CEP83: variants seen among roughly 807,000 people sequenced by gnomAD.
CEP83 encodes centrosomal protein of 83 kDa.
Under a neutral mutation model 101.9 loss-of-function variants are expected in CEP83, and 70 were observed. That is an observed-to-expected ratio of 0.69 (90% confidence interval 0.57 to 0.84). The LOEUF (loss-of-function observed/expected upper bound fraction) is 0.84, where lower values mean the gene tolerates loss of function less well. Among genes scored for constraint, CEP83 ranks in the 40% least tolerant of loss-of-function variants. The pLI is 0.00. For missense variants in CEP83, 715 were observed against 787.2 expected, an observed-to-expected ratio of 0.91 and a Z score of 1.10; for synonymous variants, 264 against 267.9, an observed-to-expected ratio of 0.99 and a Z score of 0.14.
At chr12:94,444,210 C>T (rs961545315) in intron 1 of CEP83, among the ~76,000 whole-genome samples, 1 of 151,822 alleles carries the variant, frequency 6.6e-6, no homozygotes, top group Non-Finnish European at 1.5e-5. Flanking sequence ...ATCAGCCTGG[C>T]CAACGTGGTG....
chr12:94,309,352 C>T (rs1294977283), intron 16 of CEP83, among the ~76,000 whole-genome samples: 2 of 152,138 alleles, frequency 1.3e-5, no homozygotes, highest in African/African-American at 4.8e-5. Flanking sequence ...GAAAAAGAAT[C>T]AATCTGATTC....
chr12:94,412,689 T>G (rs1321829138), intron 2 of CEP83, 98 bp from the exon 3 acceptor site: 4 of 379,944 alleles, frequency 1.1e-5, no homozygotes, highest in Non-Finnish European at 1.7e-5. Context: ...ATTCTTTTTT[T>G]TTTCTTTTTT....
chr12:94,266,890 A>G, the CEP83 span, among the ~76,000 whole-genome samples: 4 of 152,228 alleles, frequency 2.6e-5, no homozygotes, highest in African/African-American at 7.2e-5. Flanking sequence ...GTGCAAATAT[A>G]CCAGTGCCCG....
intron 7 of CEP83, among the ~76,000 whole-genome samples, chr12:94,376,582 CAA>C (rs747568150): frequency 2.0e-5 from 3 of 151,454 alleles, no homozygotes; most frequent in Non-Finnish European, 4.4e-5. Flanking sequence ...TGCAGGTTGT[CAA>C]AAAAGTTTCT....
intron 11 of CEP83, among the ~76,000 whole-genome samples, chr12:94,363,732 T>C (rs1317464327): frequency 1.3e-5 from 2 of 152,050 alleles, no homozygotes; most frequent in Non-Finnish European, 2.9e-5. Context: ...GCAAATCACC[T>C]GAGGTCATGA....
At chr12:94,296,122 CTACTCCCCATT>C in the CEP83 span, among the ~76,000 whole-genome samples, 4 of 152,172 alleles carry the variant, frequency 2.6e-5, no homozygotes, top group Non-Finnish European at 5.9e-5. Flanking sequence ...TCCTCTCCAT[CTACTCCCCATT>C]TTCCATTAGC....
chr12:94,323,865 G>A (rs1011986401), intron 14 of CEP83, among the ~76,000 whole-genome samples: 1 of 152,164 alleles, frequency 6.6e-6, no homozygotes, highest in African/African-American at 2.4e-5. Context: ...ATTCCCTTCT[G>A]TTCCCAGTTT....
chr12:94,375,215 G>A (rs983069576), intron 8 of CEP83, among the ~76,000 whole-genome samples: 1 of 152,142 alleles, frequency 6.6e-6, no homozygotes, highest in Non-Finnish European at 1.5e-5. Flanking sequence ...TATGAAGCAG[G>A]TAAGGAAGAC....
the CEP83 span, among the ~76,000 whole-genome samples, chr12:94,285,756 C>T: frequency 6.6e-6 from 1 of 152,110 alleles, no homozygotes; most frequent in South Asian, 2.1e-4. Context: ...GGTTCTAGAC[C>T]TGCAAGCCAG....
chr12:94,326,056 C>T (rs1287842580), intron 14 of CEP83, among the ~76,000 whole-genome samples: 1 of 152,002 alleles, frequency 6.6e-6, no homozygotes, highest in African/African-American at 2.4e-5. Context: ...CCAGAAAGAC[C>T]AAGTGATTAG....
chr12:94,453,934 T>TA (rs1340550924), intron 1 of CEP83, among the ~76,000 whole-genome samples: 1 of 151,914 alleles, frequency 6.6e-6, no homozygotes, highest in Non-Finnish European at 1.5e-5. Context: ...CCGTCTCTCT[T>TA]AAAAATCAAA....
chr12:94,367,268 T>C (rs1398975230), intron 11 of CEP83, among the ~76,000 whole-genome samples: 1 of 152,108 alleles, frequency 6.6e-6, no homozygotes, highest in Non-Finnish European at 1.5e-5. Context: ...AGTAATTTTA[T>C]AGGGGAAAAA....
chr12:94,454,379 G>A (rs1371159188), intron 1 of CEP83, among the ~76,000 whole-genome samples: 1 of 152,198 alleles, frequency 6.6e-6, no homozygotes, highest in Non-Finnish European at 1.5e-5. Context: ...TCTGGGTCCG[G>A]TGTGGACTTG....
chr12:94,403,569 A>G (rs1444364488), intron 4 of CEP83, among the ~76,000 whole-genome samples: 2 of 152,190 alleles, frequency 1.3e-5, no homozygotes, highest in Non-Finnish European at 2.9e-5. Flanking sequence ...ACAATGGCTA[A>G]TAGTCTAGTT....
At chr12:94,365,362 T>G (rs924144423) in intron 11 of CEP83, among the ~76,000 whole-genome samples, 4 of 152,178 alleles carry the variant, frequency 2.6e-5, no homozygotes, top group Admixed American at 6.5e-5. Context: ...CTAACAAAAC[T>G]GCGTATGATT....
At chr12:94,280,444 A>G in the CEP83 span, among the ~76,000 whole-genome samples, 300 of 152,144 alleles carry the variant, frequency 2.0e-3, 1 homozygote, top group African/African-American at 7.0e-3. Flanking sequence ...AAATCCTCCC[A>G]CTCGGCCCTC....
chr12:94,395,575 A>G (rs1486795348), intron 6 of CEP83, among the ~76,000 whole-genome samples: 1 of 152,100 alleles, frequency 6.6e-6, no homozygotes, highest in African/African-American at 2.4e-5. Context: ...TGTAATCCCA[A>G]CACTGTGGGA....
the CEP83 span, among the ~76,000 whole-genome samples, chr12:94,266,385 A>G: frequency 6.6e-6 from 1 of 152,182 alleles, no homozygotes. Context: ...AATTGTATCA[A>G]TACACCCATC....
At chr12:94,372,358 G>T (rs2061345607) in intron 8 of CEP83, among the ~76,000 whole-genome samples, 1 of 152,064 alleles carries the variant, frequency 6.6e-6, no homozygotes, top group Non-Finnish European at 1.5e-5. Flanking sequence ...CTGATAATTT[G>T]TTTTAATACT....
Sources: gnomAD v4.1 joint callset for allele counts (sites outside exome capture counted in the v4.1 genomes callset) on GRCh38, gnomAD v4.1.1 for gene constraint, MANE v1.5 for transcripts, NCBI Gene and HGNC (gene_info 2026-07-23, HGNC 2026-07-21) for gene names.